SLC24A4: variants seen among roughly 807,000 people sequenced by gnomAD.
The protein encoded by SLC24A4 is solute carrier family 24 member 4.
A neutral mutation model predicts 79.0 loss-of-function variants in SLC24A4; 53 were observed. That is an observed-to-expected ratio of 0.67 (90% confidence interval 0.54 to 0.84). SLC24A4 has a LOEUF of 0.84. SLC24A4 is among the 40% of genes least tolerant of loss of function. The pLI, the probability that SLC24A4 is intolerant of heterozygous loss-of-function variation, is 0.00. For missense variants in SLC24A4, 731 were observed against 822.0 expected (o/e 0.89, Z 1.35); for synonymous variants, 323 against 323.8 (o/e 1.00, Z 0.03).
At chr14:92,368,987 A>G (rs560465941) in intron 2 of SLC24A4, among the ~76,000 whole-genome samples, 2 of 152,318 alleles carry the variant, frequency 1.3e-5, no homozygotes, top group Admixed American at 6.5e-5. Flanking sequence ...CAAGGAGACC[A>G]GAATGTTCTT....
chr14:92,349,333 T>C (rs574718351), intron 2 of SLC24A4, among the ~76,000 whole-genome samples: 11 of 152,276 alleles, frequency 7.2e-5, no homozygotes, highest in African/African-American at 2.4e-4. Context: ...GTAATTTTTG[T>C]ATTTTCAATA....
intron 2 of SLC24A4, among the ~76,000 whole-genome samples, chr14:92,335,400 G>A (rs1176174107): frequency 6.6e-6 from 1 of 152,136 alleles, no homozygotes; most frequent in African/African-American, 2.4e-5. Flanking sequence ...TGTTGCCCAG[G>A]TTGGAGTGCA....
chr14:92,439,794 C>T (rs1450250703), intron 4 of SLC24A4, among the ~76,000 whole-genome samples: 2 of 152,222 alleles, frequency 1.3e-5, no homozygotes, highest in Non-Finnish European at 2.9e-5. Flanking sequence ...ACCCCCACCC[C>T]GCCAGGGGGA....
intron 6 of SLC24A4, 145 bp downstream of exon 6, chr14:92,442,961 C>T: frequency 3.0e-6 from 2 of 663,626 alleles, no homozygotes; most frequent in African/African-American, 1.8e-5. Context: ...CTGGTTTTGG[C>T]CTCTCCAACA....
rs1274938915 is a variant in SLC24A4, at chr14:92,499,530, T to A, written c.*5902T>A. 1 of 152,228 alleles carries A rather than the reference T, an allele frequency of 6.6e-6. No homozygotes were observed. The highest frequency in any genetic ancestry group is 2.4e-5 in the African/African-American group (1 of 41,430). 9.4% of individuals were successfully genotyped at this position (152,228 alleles called of 1,614,324 possible). A position where few individuals can be genotyped will look rare whatever the true frequency, so the allele number is the denominator to read the frequency against. On this transcript the variant is annotated 3_prime_UTR_variant, in exon 17 of 17. Transcript: ENST00000532405. ...TAGAATTCAAACAGTTGCTTTTTTT[T>A]TTTCTTTTTGAGAAAGGGCCTCACT...
chr14:92,443,556 C>T (rs1448056097), intron 7 of SLC24A4, 82 bp downstream of exon 7: 12 of 1,398,444 alleles, frequency 8.6e-6, no homozygotes, highest in Admixed American at 3.6e-5. Flanking sequence ...CTGCCCCTGG[C>T]ACTGTGACCA....
chr14:92,491,552 C>T, intron 14 of SLC24A4, 113 bp from the exon 15 acceptor site: 2 of 745,910 alleles, frequency 2.7e-6, no homozygotes, highest in Non-Finnish European at 4.7e-6. Context: ...ATGTAAGGTC[C>T]TTGCAGAAGG....
At chr14:92,411,958 A>G (rs1303715797) in intron 2 of SLC24A4, among the ~76,000 whole-genome samples, 1 of 151,962 alleles carries the variant, frequency 6.6e-6, no homozygotes, top group East Asian at 1.9e-4. Context: ...AAACAAAAAA[A>G]CCCTGGACTG....
intron 2 of SLC24A4, among the ~76,000 whole-genome samples, chr14:92,425,090 T>C (rs1436816803): frequency 2.6e-5 from 4 of 152,086 alleles, no homozygotes; most frequent in Admixed American, 2.0e-4. Flanking sequence ...TGATGTCTTA[T>C]AAGAGGAGGA....
chr14:92,324,090 C>T, intron 1 of SLC24A4, 130 bp downstream of exon 1: 2 of 1,286,478 alleles, frequency 1.6e-6, no homozygotes, highest in South Asian at 3.2e-5. Flanking sequence ...CAGTCCCCTC[C>T]CCGCCGGGCA....
intron 2 of SLC24A4, among the ~76,000 whole-genome samples, chr14:92,363,309 G>A (rs1887639747): frequency 6.6e-6 from 1 of 152,310 alleles, no homozygotes; most frequent in African/African-American, 2.4e-5. Context: ...ACTGTGCGGG[G>A]TACCCACCTG....
intron 2 of SLC24A4, among the ~76,000 whole-genome samples, chr14:92,372,699 A>G (rs1337101823): frequency 1.3e-5 from 2 of 152,004 alleles, no homozygotes; most frequent in African/African-American, 4.8e-5. Flanking sequence ...TTGGCCCCTC[A>G]GCTCTCTCCC....
At chr14:92,447,297 C>T in intron 8 of SLC24A4, 74 bp from the exon 9 acceptor site, 1 of 1,397,738 alleles carries the variant, frequency 7.2e-7, no homozygotes, top group South Asian at 1.2e-5. Flanking sequence ...TTCCCCACTT[C>T]TGGACCCCTC....
At chr14:92,445,172 G>T in intron 7 of SLC24A4, 145 bp from the exon 8 acceptor site, 2 of 902,714 alleles carry the variant, frequency 2.2e-6, no homozygotes. Context: ...GGAAAGGCCC[G>T]TAGGTGAGCA....
At chr14:92,356,070 G>T (rs1381496910) in intron 2 of SLC24A4, among the ~76,000 whole-genome samples, 1 of 152,170 alleles carries the variant, frequency 6.6e-6, no homozygotes, top group African/African-American at 2.4e-5. Context: ...TTTCAGTATA[G>T]TATTATTCAA....
intron 2 of SLC24A4, among the ~76,000 whole-genome samples, chr14:92,339,276 T>C (rs185721083): frequency 2.6e-5 from 4 of 151,644 alleles, no homozygotes; most frequent in Admixed American, 6.6e-5. Context: ...TAGAGGAGGG[T>C]TGAGTTAAGT....
chr14:92,372,917 C>CTTCCTTCCTTCCTTCCTTTCTT (rs1213585063), intron 2 of SLC24A4, among the ~76,000 whole-genome samples: 1 of 108,910 alleles, frequency 9.2e-6, no homozygotes, highest in African/African-American at 3.5e-5. Flanking sequence ...TCCTTCCTTC[C>CTTCCTTCCTTCCTTCCTTTCTT]TTTCTTTCTC....
chr14:92,429,859 G>C (rs1891766701), intron 2 of SLC24A4, among the ~76,000 whole-genome samples: 2 of 152,166 alleles, frequency 1.3e-5, no homozygotes, highest in African/African-American at 4.8e-5. Context: ...AATTGACTGG[G>C]AGCAGGCTTC....
In SLC24A4 at chr14:92,323,426, G is replaced by A. The variant is rs1427283155; in HGVS notation, c.-405G>A. ...TGGGCGCGGCGGCGCGGGGCGCGGG[G>A]GCGCACTGAGTGCTCCCTACGGCGC... On this transcript the variant is annotated 5_prime_UTR_variant, in exon 1 of 17. Transcript: ENST00000532405. The surrounding 1 kb of genome is among the most constrained non-coding windows in gnomAD (Gnocchi z 4.9). Among the ~76,000 whole-genome samples, 1 of 151,738 alleles carries A rather than the reference G, an allele frequency of 6.6e-6. No individual in the cohort carries two copies. The highest frequency in any genetic ancestry group is 1.5e-5 in the Non-Finnish European group (1 of 67,880).
Sources: gnomAD v4.1 joint callset for allele counts (sites outside exome capture counted in the v4.1 genomes callset) on GRCh38, gnomAD v4.1.1 for gene constraint, Gnocchi (gnomAD v3.1) non-coding constraint, MANE v1.5 for transcripts, NCBI Gene and HGNC (gene_info 2026-07-23, HGNC 2026-07-21) for gene names.